The following HS3ST5 variants were observed in gnomAD, a reference collection of about 807,000 sequenced individuals.
HS3ST5 encodes heparan sulfate-glucosamine 3-sulfotransferase 5.
Under a neutral mutation model 25.4 loss-of-function variants are expected in HS3ST5, and 10 were observed. That is an observed-to-expected ratio of 0.39 (90% confidence interval 0.24 to 0.67). The LOEUF (loss-of-function observed/expected upper bound fraction) is 0.67. Among genes scored for constraint, HS3ST5 ranks in the 30% least tolerant of loss-of-function variants. HS3ST5 has a pLI of 0.44. For synonymous variants in HS3ST5, 170 were observed against 162.4 expected, an observed-to-expected ratio of 1.05 and a Z score of -0.36; for missense variants, 324 against 420.7, an observed-to-expected ratio of 0.77 and a Z score of 2.01.
intron 3 of HS3ST5, among the ~76,000 whole-genome samples, chr6:114,145,242 T>A (rs911612080): frequency 2.0e-5 from 3 of 152,122 alleles, no homozygotes; most frequent in African/African-American, 7.2e-5. Context: ...CTCACACAGC[T>A]CAAAGACTGC....
chr6:114,246,015 G>A (rs754025787), intron 1 of HS3ST5, among the ~76,000 whole-genome samples: 10 of 152,158 alleles, frequency 6.6e-5, no homozygotes, highest in Non-Finnish European at 1.3e-4. Flanking sequence ...GGTGGAGCAG[G>A]ATACATCTTC....
chr6:114,212,915 G>C (rs1781569964), intron 2 of HS3ST5, among the ~76,000 whole-genome samples: 1 of 152,182 alleles, frequency 6.6e-6, no homozygotes, highest in Non-Finnish European at 1.5e-5. Context: ...GTGCTTCTGG[G>C]TGCTGACAGG....
chr6:114,057,095 T>G lies in HS3ST5; in HGVS notation c.*162A>C. The G allele has an allele frequency of 3.8e-6, 2 of 522,738 alleles. No homozygotes were observed. The highest frequency in any genetic ancestry group is 6.5e-6 in the Non-Finnish European group (2 of 306,094). 32.4% of individuals were successfully genotyped at this position (522,738 alleles called of 1,614,324 possible). ...TTTTTTTTTTTTCGTAAATTTTCAGTAGAAAAAGAACTGATCTTATATTTG... is the reference window on the plus strand; with the variant it reads ...TTTTTTTTTTTTCGTAAATTTTCAGGAGAAAAAGAACTGATCTTATATTTG... On this transcript the variant is annotated 3_prime_UTR_variant, in exon 5 of 5. Transcript: ENST00000312719.
chr6:114,325,721 T>C (rs573785210), intron 1 of HS3ST5, among the ~76,000 whole-genome samples: 1 of 152,280 alleles, frequency 6.6e-6, no homozygotes, highest in Non-Finnish European at 1.5e-5. Flanking sequence ...CAGGCATACA[T>C]GATCCTGGCA....
intron 1 of HS3ST5, among the ~76,000 whole-genome samples, chr6:114,319,705 T>C (rs894940529): frequency 9.2e-5 from 14 of 152,146 alleles, no homozygotes; most frequent in Admixed American, 1.3e-4. Context: ...TAATATTCCA[T>C]TGTATGACTA....
At chr6:114,188,651 G>A (rs1780346069) in intron 2 of HS3ST5, among the ~76,000 whole-genome samples, 1 of 151,984 alleles carries the variant, frequency 6.6e-6, no homozygotes, top group African/African-American at 2.4e-5. Context: ...CTTTCAAGTA[G>A]GTCTTGAAAT....
rs367638262 is a variant in HS3ST5, at chr6:114,161,680, T to C, written c.-33+6671A>G. Among the ~76,000 whole-genome samples the C allele has an allele frequency of 7.4e-5, 11 of 149,316 alleles. No homozygotes were observed. The East Asian group carries it at 2.2e-3, about 30-fold the overall frequency. On this transcript the variant is annotated intron_variant, in intron 3 of 4. Coordinates refer to ENST00000312719, the MANE Select transcript of HS3ST5 (RefSeq NM_153612.4). ...AAGCAATCAAAAATGATATTACTTG[T>C]TTTCTAATCTTTTTTATCTATTAAT...
chr6:114,186,168 G>A (rs1013497882), intron 2 of HS3ST5, among the ~76,000 whole-genome samples: 1 of 151,930 alleles, frequency 6.6e-6, no homozygotes, highest in African/African-American at 2.4e-5. Flanking sequence ...TGGCCTCTAA[G>A]TATTCAAGTG....
intron 3 of HS3ST5, among the ~76,000 whole-genome samples, chr6:114,132,615 A>C (rs1425013493): frequency 2.6e-5 from 4 of 152,200 alleles, no homozygotes; most frequent in African/African-American, 9.6e-5. Flanking sequence ...AGTGATGGAG[A>C]TTGCCTGGTC....
intron 1 of HS3ST5, among the ~76,000 whole-genome samples, chr6:114,319,255 C>T (rs1775869226): frequency 1.3e-5 from 2 of 152,030 alleles, no homozygotes; most frequent in Admixed American, 1.3e-4. Context: ...TTACATGCAC[C>T]ATTACACAAC....
intron 1 of HS3ST5, among the ~76,000 whole-genome samples, chr6:114,335,748 G>A (rs961893025): frequency 2.6e-5 from 4 of 151,522 alleles, no homozygotes; most frequent in African/African-American, 9.7e-5. Flanking sequence ...TCCATTTCCC[G>A]GGTTCAAGAG....
At chr6:114,317,023 C>T (rs1189612654) in intron 1 of HS3ST5, among the ~76,000 whole-genome samples, 1 of 152,024 alleles carries the variant, frequency 6.6e-6, no homozygotes, top group Non-Finnish European at 1.5e-5. Context: ...GCAAATTATT[C>T]TTCTATGTTT....
chr6:114,282,897 A>G (rs920160989), intron 1 of HS3ST5, among the ~76,000 whole-genome samples: 1 of 152,030 alleles, frequency 6.6e-6, no homozygotes, highest in Non-Finnish European at 1.5e-5. Flanking sequence ...CGTAGAAAAA[A>G]GCTTTTTTCC....
At chr6:114,084,996 T>A (rs12660358) in intron 3 of HS3ST5, among the ~76,000 whole-genome samples, 5,196 of 151,962 alleles carry the variant, frequency 0.034, 137 homozygotes, top group African/African-American at 0.073. Context: ...CACCCCTGGC[T>A]AATTTTTTGT....
At chr6:114,333,560 G>A (rs544351469) in intron 1 of HS3ST5, among the ~76,000 whole-genome samples, 25 of 151,480 alleles carry the variant, frequency 1.7e-4, no homozygotes, top group African/African-American at 6.1e-4. Flanking sequence ...GAATGGACAG[G>A]GTATGAAGAT....
At chr6:114,181,971 T>C (rs1049574214) in intron 2 of HS3ST5, among the ~76,000 whole-genome samples, 1 of 152,182 alleles carries the variant, frequency 6.6e-6, no homozygotes, top group Non-Finnish European at 1.5e-5. Context: ...TATTTCCTTA[T>C]ATGTTTCCTT....
intron 3 of HS3ST5, among the ~76,000 whole-genome samples, chr6:114,093,749 A>C (rs983530670): frequency 6.6e-6 from 1 of 152,152 alleles, no homozygotes; most frequent in Admixed American, 6.5e-5. Context: ...GACAAAAAAA[A>C]CGAAAACAAG....
intron 1 of HS3ST5, among the ~76,000 whole-genome samples, chr6:114,311,152 C>A (rs929133372): frequency 5.3e-5 from 8 of 151,990 alleles, no homozygotes; most frequent in Admixed American, 2.6e-4. Context: ...AACAAAACAA[C>A]AACAAAAATA....
chr6:114,123,361 A>G (rs1000282066), intron 3 of HS3ST5, among the ~76,000 whole-genome samples: 1 of 152,230 alleles, frequency 6.6e-6, no homozygotes, highest in African/African-American at 2.4e-5. Flanking sequence ...CTAAGCCAAC[A>G]CTAAATCGCT....
Sources: allele counts gnomAD v4.1 joint callset (sites outside exome capture counted in the v4.1 genomes callset), GRCh38; gene constraint gnomAD v4.1.1; transcripts MANE v1.5; gene names NCBI Gene and HGNC (gene_info 2026-07-23, HGNC 2026-07-21).